NLN: variants seen among roughly 807,000 people sequenced by gnomAD.
NLN encodes neurolysin.
Under a neutral mutation model 79.9 loss-of-function variants are expected in NLN, and 64 were observed. That is an observed-to-expected ratio of 0.80 (90% CI 0.65 to 0.99). NLN has a LOEUF of 0.99. Among genes scored for constraint, NLN ranks in the 50% least tolerant of loss-of-function variants. NLN has a pLI of 0.00. For missense variants in NLN, 835 were observed against 858.7 expected, an observed-to-expected ratio of 0.97 and a Z score of 0.34; for synonymous variants, 267 against 296.6, an observed-to-expected ratio of 0.90 and a Z score of 1.02.
At chr5:65,733,670 G>T in intron 1 of NLN, 1 of 1,461,060 alleles carries the variant, frequency 6.8e-7, no homozygotes, top group Non-Finnish European at 9.4e-7. Flanking sequence ...GGCCTGATTA[G>T]TGGGATGGAT....
At chr5:65,747,980 C>T (rs1759020830) in intron 1 of NLN, among the ~76,000 whole-genome samples, 1 of 151,910 alleles carries the variant, frequency 6.6e-6, no homozygotes, top group Admixed American at 6.6e-5. Context: ...ACGGGTGGAT[C>T]ACCTGAGGTC....
At chr5:65,787,023 T>G (rs7718172) in intron 7 of NLN, among the ~76,000 whole-genome samples, 11,031 of 152,226 alleles carry the variant, frequency 0.072, 1,290 homozygotes, top group African/African-American at 0.24. Flanking sequence ...AAAGAATGTT[T>G]CCTTCAGTGG....
At chr5:65,813,941 T>C (rs6860869) in intron 12 of NLN, among the ~76,000 whole-genome samples, 1 of 150,820 alleles carries the variant, frequency 6.6e-6, no homozygotes, top group African/African-American at 2.5e-5. Context: ...AAAAAAAAAA[T>C]CATTGAGAAT....
chr5:65,764,390 G>A (rs1244430168), intron 3 of NLN, among the ~76,000 whole-genome samples: 1 of 152,174 alleles, frequency 6.6e-6, no homozygotes, highest in Non-Finnish European at 1.5e-5. Context: ...AGCCAGGCAT[G>A]GTGGCAAGCA....
At chr5:65,733,517 C>G in intron 1 of NLN, 1 of 1,423,816 alleles carries the variant, frequency 7.0e-7, no homozygotes, top group South Asian at 1.2e-5. Context: ...ATTGGGAGAT[C>G]CTTGCCCCAA....
chr5:65,826,335 C>G lies in NLN; in HGVS notation c.*3420C>G, dbSNP rs955556149. On this transcript the variant is annotated 3_prime_UTR_variant, in exon 13 of 13. Coordinates refer to ENST00000380985, the MANE Select transcript of NLN (RefSeq NM_020726.5). ...GTCACCCCCAACAAAGGCCCCACCC[C>G]CTAACCCCATCACATTGGCTGTTAC... 6.6e-5 allele frequency: 10 copies of G among 152,220 alleles called. No homozygotes were observed. The highest frequency in any genetic ancestry group is 3.9e-4 in the Admixed American group (6 of 15,280). 9.4% of individuals were successfully genotyped at this position (152,220 alleles called of 1,614,324 possible). A position where few individuals can be genotyped will look rare whatever the true frequency, so the allele number is the denominator to read the frequency against.
At chr5:65,776,185 G>A (rs779280672) in intron 3 of NLN, among the ~76,000 whole-genome samples, 8 of 152,288 alleles carry the variant, frequency 5.3e-5, no homozygotes, top group East Asian at 1.9e-4. Flanking sequence ...CCTGGGAGGC[G>A]GAGGTTGCAG....
intron 3 of NLN, among the ~76,000 whole-genome samples, chr5:65,763,609 T>C (rs1466931294): frequency 6.6e-6 from 1 of 152,194 alleles, no homozygotes; most frequent in Non-Finnish European, 1.5e-5. Context: ...TTACCAATGT[T>C]GATTTGCCTC....
chr5:65,739,477 G>A (rs1263607112), intron 1 of NLN, among the ~76,000 whole-genome samples: 1 of 152,168 alleles, frequency 6.6e-6, no homozygotes, highest in Admixed American at 6.5e-5. Flanking sequence ...TAGCAAACAT[G>A]AGAGTGTGGA....
intron 1 of NLN, among the ~76,000 whole-genome samples, chr5:65,741,262 G>T (rs1369144723): frequency 6.6e-6 from 1 of 152,064 alleles, no homozygotes; most frequent in Non-Finnish European, 1.5e-5. Context: ...ACCTTTTGTG[G>T]TTTCATACAA....
chr5:65,808,423 A>G (rs1760469612), intron 9 of NLN, among the ~76,000 whole-genome samples: 1 of 152,190 alleles, frequency 6.6e-6, no homozygotes, highest in Non-Finnish European at 1.5e-5. Context: ...GCATCAGAGG[A>G]GAAAAACAGG....
intron 12 of NLN, among the ~76,000 whole-genome samples, chr5:65,814,676 C>T (rs1299956670): frequency 6.6e-6 from 1 of 152,032 alleles, no homozygotes; most frequent in African/African-American, 2.4e-5. Flanking sequence ...TTTCTCTTCT[C>T]TTTTGGAGAA....
Position 65,777,540 on chromosome 5 carries a change from T to C in NLN, c.558+6T>C. 1 of 1,511,190 alleles carries C rather than the reference T, an allele frequency of 6.6e-7. No homozygotes were observed. The highest frequency in any genetic ancestry group is 1.2e-5 in the South Asian group (1 of 85,148). The allele number at this position is 1,511,190 out of a possible 1,614,324, so 93.6% of individuals were successfully genotyped here. A position where few individuals can be genotyped will look rare whatever the true frequency, so the allele number is the denominator to read the frequency against. ...TTCCTGAACAAGTACAGAATGTGAG[T>C]TTATGTTTTCTTTTCTTATCAGAAA... On this transcript the variant is annotated splice_donor_region_variant and intron_variant, in intron 4 of 12. Transcript: ENST00000380985.
At chr5:65,745,587 C>G (rs1055248334) in intron 1 of NLN, among the ~76,000 whole-genome samples, 3 of 152,098 alleles carry the variant, frequency 2.0e-5, no homozygotes, top group Admixed American at 6.6e-5. Context: ...CATATAAACT[C>G]TTGGTGTAGT....
chr5:65,752,706 C>T (rs564770531), intron 1 of NLN, among the ~76,000 whole-genome samples: 2 of 152,096 alleles, frequency 1.3e-5, no homozygotes, highest in East Asian at 1.9e-4. Flanking sequence ...AGGGATGCTC[C>T]GCAAAATGAA....
chr5:65,807,399 AAGGTGT>A (rs1760437990), intron 9 of NLN, among the ~76,000 whole-genome samples: 1 of 151,688 alleles, frequency 6.6e-6, no homozygotes, highest in Non-Finnish European at 1.5e-5. Context: ...TTTAACATAT[AAGGTGT>A]ATACATTGTC....
intron 3 of NLN, among the ~76,000 whole-genome samples, chr5:65,775,458 T>C (rs535693135): frequency 1.2e-4 from 19 of 152,262 alleles, no homozygotes; most frequent in African/African-American, 4.3e-4. Flanking sequence ...CCTGGGTCCT[T>C]AACAACTTAC....
chr5:65,772,506 A>G (rs1759589801), intron 3 of NLN, among the ~76,000 whole-genome samples: 1 of 152,218 alleles, frequency 6.6e-6, no homozygotes, highest in Admixed American at 6.5e-5. Context: ...CCCCTAGCCC[A>G]GGAGTGCAGA....
chr5:65,825,178 A>T lies in NLN; in HGVS notation c.*2263A>T, dbSNP rs1023917372. On this transcript the variant is annotated 3_prime_UTR_variant, in exon 13 of 13. Coordinates refer to ENST00000380985, the MANE Select transcript of NLN (RefSeq NM_020726.5). ...TTTTAAAAATTCTCTAGCATAATTC[A>T]AAAGAAAGGACTTAACTTTTTTTTT... 1.3e-5 allele frequency: 2 copies of T among 152,232 alleles called. No homozygotes were observed. The highest frequency in any genetic ancestry group is 6.5e-5 in the Admixed American group (1 of 15,282). The allele number at this position is 152,232 out of a possible 1,614,324, so 9.4% of individuals were successfully genotyped here. A position where few individuals can be genotyped will look rare whatever the true frequency, so the allele number is the denominator to read the frequency against.
Sources: gnomAD v4.1 joint callset for allele counts (sites outside exome capture counted in the v4.1 genomes callset) on GRCh38, gnomAD v4.1.1 for gene constraint, MANE v1.5 for transcripts, NCBI Gene and HGNC (gene_info 2026-07-23, HGNC 2026-07-21) for gene names.